CLIC5: variants seen among roughly 807,000 people sequenced by gnomAD.
CLIC5 encodes chloride intracellular channel protein 5.
CLIC5 carries 20 observed loss-of-function variants against 24.7 expected under a neutral mutation model. The ratio of observed to expected loss-of-function variants is 0.81; its 90% CI spans 0.57 to 1.18. The LOEUF is 1.18. CLIC5 is among the 50% of genes most tolerant of loss of function. The pLI is 0.00. For synonymous variants in CLIC5, 159 were observed against 135.6 expected (o/e 1.17, Z -1.20); for missense variants, 341 against 326.1 (o/e 1.05, Z -0.35).
chr6:45,922,053 G>A (rs750074187), intron 4 of CLIC5, among the ~76,000 whole-genome samples: 7 of 152,194 alleles, frequency 4.6e-5, no homozygotes, highest in Non-Finnish European at 1.0e-4. Context: ...AAATGCAATG[G>A]CAACTTCAAC....
At chr6:45,908,415 A>G (rs1052190701) in intron 5 of CLIC5, among the ~76,000 whole-genome samples, 2 of 152,194 alleles carry the variant, frequency 1.3e-5, no homozygotes, top group Non-Finnish European at 2.9e-5. Flanking sequence ...ATTTCGTGCT[A>G]TAAACTTTCC....
intron 1 of CLIC5, among the ~76,000 whole-genome samples, chr6:45,985,017 T>C (rs1454766254): frequency 2.0e-5 from 3 of 152,178 alleles, no homozygotes; most frequent in African/African-American, 4.8e-5. Flanking sequence ...ATCTGAGCAG[T>C]GAAAAAGTGC....
intron 1 of CLIC5, among the ~76,000 whole-genome samples, chr6:45,964,127 C>T (rs1218862533): frequency 1.3e-5 from 2 of 152,208 alleles, no homozygotes; most frequent in East Asian, 1.9e-4. Context: ...ACACTCTCTG[C>T]CTCCAAGTTT....
chr6:45,882,219 GA>G (rs1446639262), intron 6 of CLIC5, among the ~76,000 whole-genome samples: 1 of 152,232 alleles, frequency 6.6e-6, no homozygotes, highest in African/African-American at 2.4e-5. Context: ...GCCATGGAAT[GA>G]CTGTGTCCAG....
intron 4 of CLIC5, among the ~76,000 whole-genome samples, chr6:45,927,946 C>G (rs989623811): frequency 1.3e-5 from 2 of 152,078 alleles, no homozygotes; most frequent in Non-Finnish European, 2.9e-5. Flanking sequence ...AATGTATTCG[C>G]AAGGTAGAAA....
the CLIC5 span, among the ~76,000 whole-genome samples, chr6:46,126,920 G>C: frequency 1.3e-5 from 2 of 152,112 alleles, no homozygotes; most frequent in African/African-American, 4.8e-5. Context: ...ATTGTATAGA[G>C]AGCTATGTCT....
intron 1 of CLIC5, among the ~76,000 whole-genome samples, chr6:46,075,380 C>A (rs756498531): frequency 7.2e-5 from 11 of 152,074 alleles, no homozygotes; most frequent in Non-Finnish European, 1.3e-4. Context: ...ACAGCCCTGG[C>A]AACGGGGCAA....
At chr6:46,091,250 A>C in the CLIC5 span, among the ~76,000 whole-genome samples, 1 of 152,154 alleles carries the variant, frequency 6.6e-6, no homozygotes, top group African/African-American at 2.4e-5. Context: ...ACATCTCCCA[A>C]GTCCCCTAAC....
At chr6:46,083,106 A>G (rs184824811), upstream of CLIC5, among the ~76,000 whole-genome samples, 1 of 152,242 alleles carries the variant, frequency 6.6e-6, no homozygotes, top group Non-Finnish European at 1.5e-5. Flanking sequence ...TCACGTTGCT[A>G]TATAGCTAAA....
intron 1 of CLIC5, among the ~76,000 whole-genome samples, chr6:46,046,960 A>C (rs1767970677): frequency 6.6e-6 from 1 of 152,256 alleles, no homozygotes; most frequent in South Asian, 2.1e-4. Flanking sequence ...ATTTATTGTC[A>C]TAATCATAAA....
chr6:46,112,164 G>A, the CLIC5 span, among the ~76,000 whole-genome samples: 1 of 152,114 alleles, frequency 6.6e-6, no homozygotes. Context: ...CCAACAAACA[G>A]AAGTAACCCT....
At chr6:46,065,025 A>G (rs1238828494) in intron 1 of CLIC5, among the ~76,000 whole-genome samples, 1 of 152,196 alleles carries the variant, frequency 6.6e-6, no homozygotes, top group African/African-American at 2.4e-5. Flanking sequence ...TTTGCAAAAC[A>G]TGTATAAAGA....
At chr6:45,979,349 G>T (rs376134573) in intron 1 of CLIC5, among the ~76,000 whole-genome samples, 1 of 152,126 alleles carries the variant, frequency 6.6e-6, no homozygotes, top group South Asian at 2.1e-4. Context: ...AGCATGTCAC[G>T]TTCTTTCCTC....
At chr6:46,080,972 C>A (rs1396958247), upstream of CLIC5, among the ~76,000 whole-genome samples, 1 of 152,168 alleles carries the variant, frequency 6.6e-6, no homozygotes, top group Non-Finnish European at 1.5e-5. Context: ...ATGATCATCA[C>A]CATCAACAAA....
chr6:46,099,187 A>C, the CLIC5 span, among the ~76,000 whole-genome samples: 3 of 152,234 alleles, frequency 2.0e-5, no homozygotes, highest in African/African-American at 7.2e-5. Flanking sequence ...CTAAGTGTAC[A>C]GGCACTCCCC....
chr6:45,974,497 G>GTGTATATATATATATATATA (rs1192750031), intron 1 of CLIC5, among the ~76,000 whole-genome samples: 7 of 76,202 alleles, frequency 9.2e-5, no homozygotes, highest in South Asian at 6.7e-4. Flanking sequence ...GTGTGTGTGT[G>GTGTATATATATATATATATA]TATATATATA....
chr6:45,937,996 G>T (rs1448148651), intron 4 of CLIC5, among the ~76,000 whole-genome samples: 1 of 152,206 alleles, frequency 6.6e-6, no homozygotes, highest in African/African-American at 2.4e-5. Context: ...GTGTATGGGG[G>T]CTGGGGCATT....
At chr6:46,092,702 C>T in the CLIC5 span, among the ~76,000 whole-genome samples, 87 of 152,136 alleles carry the variant, frequency 5.7e-4, no homozygotes, top group African/African-American at 1.9e-3. Context: ...ATCAATTTCC[C>T]TGCTAGTATT....
At chr6:46,079,573 G>T in intron 1 of CLIC5, 1 of 755,806 alleles carries the variant, frequency 1.3e-6, no homozygotes, top group African/African-American at 1.8e-5. Context: ...TAGTCCCTCC[G>T]ACTCCTGAAT....
Sources: gnomAD v4.1 joint callset for allele counts (sites outside exome capture counted in the v4.1 genomes callset) on GRCh38, gnomAD v4.1.1 for gene constraint, MANE v1.5 for transcripts, NCBI Gene and HGNC (gene_info 2026-07-23, HGNC 2026-07-21) for gene names.